TDRD9: variants seen among roughly 807,000 people sequenced by gnomAD.
TDRD9 encodes tudor domain containing 9, also known as ATP-dependent RNA helicase TDRD9.
Under a neutral mutation model 172.6 loss-of-function variants are expected in TDRD9, and 124 were observed. That is an observed-to-expected ratio of 0.72 (90% CI 0.62 to 0.83). TDRD9 has a LOEUF of 0.83. Among genes scored for constraint, TDRD9 ranks in the 40% least tolerant of loss-of-function variants. The pLI is 0.00. For synonymous variants in TDRD9, 619 were observed against 617.1 expected, an observed-to-expected ratio of 1.00 and a Z score of -0.05; for missense variants, 1,479 against 1,714.1, an observed-to-expected ratio of 0.86 and a Z score of 2.42.
rs2033986619 is a variant in TDRD9, at chr14:103,994,525, G to T, written c.1242G>T (p.Gln414His). 1 of 1,613,726 alleles carries T rather than the reference G, an allele frequency of 6.2e-7. No homozygotes were observed. Among genetic ancestry groups the T allele is most frequent in the South Asian group, 1.1e-5 (1 of 91,048 alleles). The change falls in exon 11 of 36, where the codon CAG becomes CAT. Residue 414 changes from glutamine (Q) to histidine (H), a missense_variant. Transcript: ENST00000409874. ...TATTTTAGTAATTTCTTAGGTTGCA[G>T]GTCTATCCACTCCATTCAAGTGTGG... ...LLTSLVHKRL[Q>H]VYPLHSSVAL...
At chr14:103,970,725 C>T (rs1476848045) in intron 6 of TDRD9, 104 bp downstream of exon 6, 11 of 850,348 alleles carry the variant, frequency 1.3e-5, no homozygotes, top group Non-Finnish European at 1.6e-5. Context: ...ATTCTGGGAC[C>T]CCGGACAGAT....
intron 8 of TDRD9, among the ~76,000 whole-genome samples, chr14:103,986,881 C>T (rs2033678969): frequency 6.6e-6 from 1 of 152,066 alleles, no homozygotes; most frequent in Non-Finnish European, 1.5e-5. Flanking sequence ...TTTGGGAGGC[C>T]GAGGTCGGGG....
At chr14:103,928,793 C>T (rs930335829) in intron 1 of TDRD9, 69 bp downstream of exon 1, 6 of 474,934 alleles carry the variant, frequency 1.3e-5, no homozygotes, top group Non-Finnish European at 1.6e-5. Context: ...GGGCACGGGC[C>T]ATCCAGATCC....
intron 28 of TDRD9, among the ~76,000 whole-genome samples, chr14:104,030,655 CT>C (rs1469569871): frequency 9.9e-5 from 15 of 152,184 alleles, no homozygotes; most frequent in African/African-American, 3.6e-4. Context: ...TTAAAATGAA[CT>C]TGATAAAATT....
At chr14:104,005,174 CCTT>C (rs2034395343) in intron 14 of TDRD9, 97 bp from the exon 15 acceptor site, 6 of 1,242,722 alleles carry the variant, frequency 4.8e-6, no homozygotes, top group Non-Finnish European at 3.4e-6. Flanking sequence ...TCTCTCCTCT[CCTT>C]CTCTCCTCCT....
intron 5 of TDRD9, among the ~76,000 whole-genome samples, chr14:103,969,257 T>C (rs1242901116): frequency 6.6e-6 from 1 of 151,408 alleles, no homozygotes; most frequent in East Asian, 1.9e-4. Flanking sequence ...ACCCATCTGC[T>C]GATGTGTGTA....
intron 14 of TDRD9, 76 bp from the exon 15 acceptor site, chr14:104,005,198 G>A: frequency 2.0e-6 from 3 of 1,497,706 alleles, no homozygotes; most frequent in Non-Finnish European, 2.8e-6. Context: ...CTTTCCCTCT[G>A]AAGCACTGGT....
intron 25 of TDRD9, among the ~76,000 whole-genome samples, chr14:104,025,084 C>T (rs894641453): frequency 6.6e-6 from 1 of 152,162 alleles, no homozygotes; most frequent in Non-Finnish European, 1.5e-5. Flanking sequence ...TGGGTTCAAG[C>T]GATTCCCCTG....
intron 1 of TDRD9, among the ~76,000 whole-genome samples, chr14:103,935,316 A>G (rs897354421): frequency 2.0e-5 from 3 of 152,184 alleles, no homozygotes; most frequent in Non-Finnish European, 4.4e-5. Flanking sequence ...GTGGTAAGCA[A>G]TGGTGGCATT....
chr14:103,995,842 C>T, intron 12 of TDRD9, 35 bp downstream of exon 12: 1 of 1,552,614 alleles, frequency 6.4e-7, no homozygotes, highest in Non-Finnish European at 8.7e-7. Flanking sequence ...CTGGCATTAG[C>T]TGTAGTGCCA....
At chr14:104,036,841 G>A (rs191060800) in intron 32 of TDRD9, among the ~76,000 whole-genome samples, 1 of 152,328 alleles carries the variant, frequency 6.6e-6, no homozygotes, top group Non-Finnish European at 1.5e-5. Flanking sequence ...GTGACAGTGT[G>A]CGTAAGACTA....
chr14:104,036,852 G>A (rs962215868), intron 32 of TDRD9, among the ~76,000 whole-genome samples: 1 of 152,176 alleles, frequency 6.6e-6, no homozygotes. Flanking sequence ...CGTAAGACTA[G>A]TTGTCTTTGA....
intron 1 of TDRD9, among the ~76,000 whole-genome samples, chr14:103,948,916 A>G (rs1180002515): frequency 4.0e-5 from 6 of 150,460 alleles, no homozygotes; most frequent in South Asian, 2.1e-4. Flanking sequence ...AATCCTTGAA[A>G]GGACAAATAC....
intron 33 of TDRD9, among the ~76,000 whole-genome samples, chr14:104,041,099 C>G (rs1298547086): frequency 1.3e-5 from 2 of 152,162 alleles, no homozygotes; most frequent in African/African-American, 4.8e-5. Context: ...CATAACCACA[C>G]TGAAGGGCCG....
Position 104,008,470 on chromosome 14 carries a change from A to C in TDRD9, c.2106+4A>C, listed in dbSNP as rs781522967. 6.4e-7 allele frequency: 1 copy of C among 1,558,120 alleles called. No homozygotes were observed. The highest frequency in any genetic ancestry group is 8.8e-7 in the Non-Finnish European group (1 of 1,133,304). On this transcript the variant is annotated splice_donor_region_variant and intron_variant, in intron 20 of 35. Coordinates refer to ENST00000409874, the MANE Select transcript of TDRD9 (RefSeq NM_153046.3). Reference sequence around the variant, plus strand: ...TCAAATCAAGAGAATTAGAGAGGTAAGTTAAGTTTTTTGACCAAATGGATG... The same window carrying C: ...TCAAATCAAGAGAATTAGAGAGGTACGTTAAGTTTTTTGACCAAATGGATG...
chr14:104,006,930 C>G, intron 18 of TDRD9, 85 bp downstream of exon 18: 1 of 1,209,652 alleles, frequency 8.3e-7, no homozygotes, highest in Non-Finnish European at 1.2e-6. Context: ...GAGGTAGAGA[C>G]AGACAATGTT....
At chr14:103,945,066 T>A (rs563693840) in intron 1 of TDRD9, among the ~76,000 whole-genome samples, 8 of 152,302 alleles carry the variant, frequency 5.3e-5, no homozygotes, top group Middle Eastern at 6.8e-3. Flanking sequence ...CAAATATAAG[T>A]ACACAAATCA....
At chr14:104,013,429 A>G (rs1357402458) in intron 20 of TDRD9, among the ~76,000 whole-genome samples, 1 of 152,140 alleles carries the variant, frequency 6.6e-6, no homozygotes, top group East Asian at 1.9e-4. Flanking sequence ...GACGTGTTTC[A>G]AGGATCTAAA....
chr14:103,967,374 G>C (rs1419265639), intron 5 of TDRD9, among the ~76,000 whole-genome samples: 1 of 43,854 alleles, frequency 2.3e-5, no homozygotes, highest in Non-Finnish European at 5.1e-5. Context: ...AAAAAAAAAA[G>C]ATTAGCTGGG....
Sources: gnomAD v4.1 joint callset for allele counts (sites outside exome capture counted in the v4.1 genomes callset) on GRCh38, gnomAD v4.1.1 for gene constraint, MANE v1.5 for transcripts, NCBI Gene and HGNC (gene_info 2026-07-23, HGNC 2026-07-21) for gene names.